The following GRM8 variants were observed in gnomAD, a reference collection of about 807,000 sequenced individuals.
The protein encoded by GRM8 is metabotropic glutamate receptor 8.
Under a neutral mutation model 87.2 loss-of-function variants are expected in GRM8, and 47 were observed. The observed-to-expected ratio is 0.54, with a 90% confidence interval of 0.43 to 0.69. The LOEUF (loss-of-function observed/expected upper bound fraction) is 0.69, where lower values mean the gene tolerates loss of function less well. Ranked by LOEUF, GRM8 falls within the 30% of genes least tolerant of loss-of-function variation. The probability of loss-of-function intolerance (pLI) is 0.00; values close to 1 mark genes in which losing one functional copy is unlikely to be tolerated. For synonymous variants in GRM8, 396 were observed against 404.5 expected (o/e 0.98, Z 0.25); for missense variants, 1,019 against 1,139.2 (o/e 0.89, Z 1.52).
intron 3 of GRM8, among the ~76,000 whole-genome samples, chr7:126,946,788 T>C (rs961412943): frequency 2.0e-5 from 3 of 152,228 alleles, no homozygotes; most frequent in Admixed American, 2.0e-4. Context: ...AGTTTTGGGA[T>C]GGTTTTGTTA....
intron 7 of GRM8, among the ~76,000 whole-genome samples, chr7:126,748,598 T>A (rs1815993256): frequency 7.2e-6 from 1 of 139,432 alleles, no homozygotes; most frequent in South Asian, 2.4e-4. Flanking sequence ...TCAGAGCAGG[T>A]CGGGTTTTTT....
chr7:126,773,779 T>C (rs988294415), intron 6 of GRM8, among the ~76,000 whole-genome samples: 3 of 152,102 alleles, frequency 2.0e-5, no homozygotes, highest in Non-Finnish European at 4.4e-5. Context: ...GAGGATTGCT[T>C]GATGTCAGGA....
At position 126,626,101 on chromosome 7, in the gene GRM8, A is replaced by AGTGT. The variant is rs71312854; in HGVS notation, c.1358-16607_1358-16604dup. On this transcript the variant is annotated intron_variant, in intron 7 of 10. Transcript: ENST00000339582. The stretch of plus-strand genomic sequence containing the variant: ...TAGTGATGATTACATATATGAGAGA[A>AGTGT]GTGTGTGTGTGTGTGTGTGTGTGTG... 8.0e-3 allele frequency among the ~76,000 whole-genome samples: 1,188 copies of AGTGT among 148,824 alleles called. 24 individuals are homozygous for AGTGT. Among genetic ancestry groups the AGTGT allele is most frequent in the Middle Eastern group, 6.9e-3 (2 of 290 alleles).
At chr7:127,053,050 A>C (rs2132508859) in intron 3 of GRM8, among the ~76,000 whole-genome samples, 1 of 152,356 alleles carries the variant, frequency 6.6e-6, no homozygotes, top group African/African-American at 2.4e-5. Flanking sequence ...TCAAATCAGC[A>C]GACCAAGTTA....
At chr7:126,637,070 G>T (rs1048419861) in intron 7 of GRM8, among the ~76,000 whole-genome samples, 3 of 151,958 alleles carry the variant, frequency 2.0e-5, no homozygotes, top group Non-Finnish European at 2.9e-5. Context: ...TTGGCCCATT[G>T]TCAAGTTCAT....
Position 127,227,682 on chromosome 7 carries a change from C to T in GRM8, c.510+15013G>A, listed in dbSNP as rs536684693. On this transcript the variant is annotated intron_variant, in intron 2 of 10. Coordinates refer to ENST00000339582, the MANE Select transcript of GRM8 (RefSeq NM_000845.3). ...TATTCTTCCTTCCATGGAAAACTTC[C>T]TGATACATAAACTGCTCTGACCATC... is the stretch of plus-strand genomic sequence containing the variant. Among the ~76,000 whole-genome samples, 3 of 152,282 alleles carry T rather than the reference C, an allele frequency of 2.0e-5. No homozygotes were observed. The South Asian group carries it at 6.2e-4, about 32-fold the overall frequency.
chr7:126,537,969 C>G (rs1336133001), intron 8 of GRM8, among the ~76,000 whole-genome samples: 1 of 152,088 alleles, frequency 6.6e-6, no homozygotes, highest in East Asian at 1.9e-4. Flanking sequence ...GCCTTCCTCA[C>G]CTTTGGTATT....
rs865776806 is a variant in GRM8 at position 127,200,771 on chromosome 7, C to T, written c.510+41924G>A. On this transcript the variant is annotated intron_variant, in intron 2 of 10. Coordinates refer to ENST00000339582, the MANE Select transcript of GRM8 (RefSeq NM_000845.3). ...AAAGACATGAGTCATTGGATTAGGG[C>T]CCATCTTAATGTGGTATGATCTCAC... Among the ~76,000 whole-genome samples the T allele has an allele frequency of 4.6e-5, 7 of 152,136 alleles. No individual in the cohort carries two copies. The South Asian group carries it at 6.2e-4, about 14-fold the overall frequency.
intron 6 of GRM8, among the ~76,000 whole-genome samples, chr7:126,854,673 T>C (rs1012955985): frequency 6.6e-6 from 1 of 152,226 alleles, no homozygotes; most frequent in African/African-American, 2.4e-5. Flanking sequence ...TGTCTTATTT[T>C]GTCTTCCTTA....
At chr7:126,798,515 G>C (rs2151698888) in intron 6 of GRM8, among the ~76,000 whole-genome samples, 1 of 152,244 alleles carries the variant, frequency 6.6e-6, no homozygotes, top group Non-Finnish European at 1.5e-5. Context: ...GCACATATCT[G>C]AGATAATGAC....
chr7:127,026,003 C>T (rs1008248059), intron 3 of GRM8, among the ~76,000 whole-genome samples: 4 of 152,048 alleles, frequency 2.6e-5, no homozygotes, highest in African/African-American at 4.8e-5. Context: ...CCTCCCCCAG[C>T]CCCCTGCCCC....
rs2116610040 is a variant in GRM8, at chr7:127,208,054, T to C, written c.510+34641A>G. 2.0e-5 allele frequency among the ~76,000 whole-genome samples: 3 copies of C among 152,268 alleles called. No individual in the cohort carries two copies. In the South Asian group the frequency reaches 6.2e-4, roughly 32 times the overall value. On this transcript the variant is annotated intron_variant, in intron 2 of 10. Coordinates refer to ENST00000339582, the MANE Select transcript of GRM8 (RefSeq NM_000845.3). The stretch of plus-strand genomic sequence containing the variant: ...CACAAGCCATACCCACATTTTTTGA[T>C]TGGAAAAGAGACAGCTGTGGTTCAG...
chr7:126,549,055 G>T (rs1032605844), intron 8 of GRM8, among the ~76,000 whole-genome samples: 1 of 152,096 alleles, frequency 6.6e-6, no homozygotes, highest in Non-Finnish European at 1.5e-5. Flanking sequence ...GGTAGAGTTT[G>T]TATAAAATCA....
intron 7 of GRM8, among the ~76,000 whole-genome samples, chr7:126,682,354 C>T (rs1807679761): frequency 1.3e-5 from 2 of 152,210 alleles, no homozygotes; most frequent in Non-Finnish European, 2.9e-5. Context: ...ATCTCAGGCA[C>T]TGTCTTGGGC....
chr7:126,775,119 T>C (rs1819269451), intron 6 of GRM8, among the ~76,000 whole-genome samples: 1 of 152,196 alleles, frequency 6.6e-6, no homozygotes, highest in African/African-American at 2.4e-5. Flanking sequence ...GATTAAGAAG[T>C]ATTTTTTAAA....
At chr7:127,109,734 CA>C (rs1314614041) in intron 2 of GRM8, among the ~76,000 whole-genome samples, 1 of 152,192 alleles carries the variant, frequency 6.6e-6, no homozygotes, top group East Asian at 1.9e-4. Context: ...TCCCCAACAC[CA>C]GGCAGACCAA....
intron 6 of GRM8, among the ~76,000 whole-genome samples, chr7:126,892,037 A>AAG (rs1554522697): frequency 6.6e-6 from 1 of 151,168 alleles, no homozygotes; most frequent in Non-Finnish European, 1.5e-5. Flanking sequence ...AAAAAAAAAA[A>AAG]AAAAAACCCT....
chr7:127,036,151 A>G (rs916728220), intron 3 of GRM8, among the ~76,000 whole-genome samples: 1 of 152,128 alleles, frequency 6.6e-6, no homozygotes, highest in Non-Finnish European at 1.5e-5. Context: ...CCAGTGTTCT[A>G]CACTTTATTT....
chr7:126,717,063 T>C (rs1420230211), intron 7 of GRM8, among the ~76,000 whole-genome samples: 1 of 152,194 alleles, frequency 6.6e-6, no homozygotes, highest in Non-Finnish European at 1.5e-5. Context: ...GCCTGAGAGA[T>C]GCAGCAGATT....
Sources: gnomAD v4.1 joint callset for allele counts (sites outside exome capture counted in the v4.1 genomes callset) on GRCh38, gnomAD v4.1.1 for gene constraint, MANE v1.5 for transcripts, NCBI Gene and HGNC (gene_info 2026-07-23, HGNC 2026-07-21) for gene names.